Variants in RCSD1 observed in about 807,000 individuals in gnomAD.
RCSD1 encodes the protein RCSD domain containing 1, also known as capZ-interacting protein.
Under a neutral mutation model 42.5 loss-of-function variants are expected in RCSD1, and 26 were observed. That is an observed-to-expected ratio of 0.61 (90% CI 0.45 to 0.85). The LOEUF is 0.85. Ranked by LOEUF, RCSD1 falls within the 40% of genes least tolerant of loss-of-function variation. The pLI is 0.00. For synonymous variants in RCSD1, 220 were observed against 212.2 expected, an observed-to-expected ratio of 1.04 and a Z score of -0.32; for missense variants, 571 against 528.3, an observed-to-expected ratio of 1.08 and a Z score of -0.79.
intron 1 of RCSD1, among the ~76,000 whole-genome samples, chr1:167,649,248 G>T (rs969579939): frequency 1.3e-5 from 2 of 152,176 alleles, no homozygotes; most frequent in Non-Finnish European, 2.9e-5. Flanking sequence ...AGGACAGTGT[G>T]CAGGATCCAA....
chr1:167,671,532 C>T (rs1309809708), intron 1 of RCSD1, among the ~76,000 whole-genome samples: 1 of 152,218 alleles, frequency 6.6e-6, no homozygotes, highest in African/African-American at 2.4e-5. Flanking sequence ...CTTGGCAGAT[C>T]CAGACCCCAC....
In RCSD1 at chr1:167,706,475, CACTTT is replaced by C. The variant is rs1659760321; in HGVS notation, c.*1784_*1788del. Among the ~76,000 whole-genome samples the C allele has an allele frequency of 6.8e-6, 1 of 146,028 alleles. No individual in the cohort carries two copies. The highest frequency in any genetic ancestry group is 1.5e-5 in the Non-Finnish European group (1 of 68,028). On this transcript the variant is annotated 3_prime_UTR_variant, in exon 7 of 7. Coordinates refer to ENST00000367854, the MANE Select transcript of RCSD1 (RefSeq NM_052862.4). ...ATTGTGAATGTGTGATGAAAAGGGCCACTTTACTTGAGGAAGGCATGGAACAGAAA... is the reference window on the plus strand; with the variant it reads ...ATTGTGAATGTGTGATGAAAAGGGCCACTTGAGGAAGGCATGGAACAGAAA...
At chr1:167,644,822 C>T (rs1295508195) in intron 1 of RCSD1, among the ~76,000 whole-genome samples, 1 of 152,208 alleles carries the variant, frequency 6.6e-6, no homozygotes, top group Non-Finnish European at 1.5e-5. Context: ...AGCATTCAGA[C>T]CAGAGCCCCT....
At chr1:167,650,241 GA>G (rs1369845723) in intron 1 of RCSD1, among the ~76,000 whole-genome samples, 1 of 152,214 alleles carries the variant, frequency 6.6e-6, no homozygotes. Context: ...AAAACACGGG[GA>G]AATGTCTGCA....
chr1:167,674,038 C>T (rs1476029027), intron 1 of RCSD1, among the ~76,000 whole-genome samples: 1 of 152,228 alleles, frequency 6.6e-6, no homozygotes, highest in African/African-American at 2.4e-5. Flanking sequence ...GTCTGCCTTT[C>T]AACTAGAGTA....
Position 167,706,691 on chromosome 1 carries a change from G to C in RCSD1, c.*1995G>C, listed in dbSNP as rs1175978229. Among the ~76,000 whole-genome samples, 2 of 152,096 alleles carry C rather than the reference G, an allele frequency of 1.3e-5. No homozygotes were observed. The highest frequency in any genetic ancestry group is 3.9e-4 in the East Asian group (2 of 5,186). ...AGTCACATTATTTGGTGTATTTTGT[G>C]AAAAAAATAGAGGCCCCATTCCCAG... On this transcript the variant is annotated 3_prime_UTR_variant, in exon 7 of 7. Transcript: ENST00000367854.
intron 1 of RCSD1, among the ~76,000 whole-genome samples, chr1:167,636,612 G>C (rs553848150): frequency 1.3e-5 from 2 of 151,610 alleles, no homozygotes; most frequent in South Asian, 4.2e-4. Context: ...GTTTTTAGAC[G>C]GAGTTTTGCT....
At chr1:167,662,708 T>C (rs989409588) in intron 1 of RCSD1, among the ~76,000 whole-genome samples, 11 of 152,220 alleles carry the variant, frequency 7.2e-5, no homozygotes, top group Admixed American at 6.5e-4. Context: ...GGAGTTCCAC[T>C]CCTAAAATCT....
chr1:167,668,594 A>G (rs1019604277), intron 1 of RCSD1, among the ~76,000 whole-genome samples: 1 of 152,204 alleles, frequency 6.6e-6, no homozygotes, highest in Non-Finnish European at 1.5e-5. Context: ...AATAATGGCT[A>G]TGGAATATAT....
At chr1:167,658,344 T>C (rs1658467633) in intron 1 of RCSD1, among the ~76,000 whole-genome samples, 1 of 152,230 alleles carries the variant, frequency 6.6e-6, no homozygotes, top group Non-Finnish European at 1.5e-5. Flanking sequence ...TTTATAAAAC[T>C]AGTGTTATAT....
At chr1:167,676,382 T>A (rs1429697536) in intron 1 of RCSD1, among the ~76,000 whole-genome samples, 1 of 152,152 alleles carries the variant, frequency 6.6e-6, no homozygotes, top group Non-Finnish European at 1.5e-5. Flanking sequence ...GCATATTGGG[T>A]TGAACCAAAG....
intron 6 of RCSD1, among the ~76,000 whole-genome samples, chr1:167,699,883 G>A (rs1345843766): frequency 1.3e-5 from 2 of 152,202 alleles, no homozygotes; most frequent in East Asian, 3.8e-4. Flanking sequence ...GCTCAGCTCA[G>A]ATGGTCCCTT....
chr1:167,638,997 C>G (rs1418428565), intron 1 of RCSD1, among the ~76,000 whole-genome samples: 1 of 152,176 alleles, frequency 6.6e-6, no homozygotes, highest in East Asian at 1.9e-4. Flanking sequence ...GAGGGCGGAT[C>G]ACGAGGTCAG....
chr1:167,690,189 A>C, intron 4 of RCSD1, 69 bp downstream of exon 4: 1 of 1,471,756 alleles, frequency 6.8e-7, no homozygotes, highest in Non-Finnish European at 9.5e-7. Context: ...AATTTGCATG[A>C]CTTTGAGGCT....
intron 1 of RCSD1, among the ~76,000 whole-genome samples, chr1:167,649,020 G>T (rs2102204911): frequency 6.6e-6 from 1 of 152,324 alleles, no homozygotes; most frequent in South Asian, 2.1e-4. Flanking sequence ...ATGATAACAA[G>T]TGATTGAAAC....
At chr1:167,634,826 C>G (rs1227156920) in intron 1 of RCSD1, among the ~76,000 whole-genome samples, 1 of 151,924 alleles carries the variant, frequency 6.6e-6, no homozygotes, top group Non-Finnish European at 1.5e-5. Flanking sequence ...TGGACCTACT[C>G]AGTATTTATT....
chr1:167,677,257 A>G (rs1658975018), intron 1 of RCSD1, among the ~76,000 whole-genome samples: 1 of 152,170 alleles, frequency 6.6e-6, no homozygotes, highest in South Asian at 2.1e-4. Context: ...CAGTGTCTAC[A>G]GATGCTCAGG....
intron 1 of RCSD1, among the ~76,000 whole-genome samples, chr1:167,650,826 G>C (rs1397127109): frequency 6.6e-6 from 1 of 152,200 alleles, no homozygotes; most frequent in Non-Finnish European, 1.5e-5. Flanking sequence ...ATAAGGAGGG[G>C]GGCAGCCCCA....
chr1:167,665,033 G>A (rs1289175372), intron 1 of RCSD1: 1 of 142,406 alleles, frequency 7.0e-6, no homozygotes, highest in East Asian at 2.0e-4. Context: ...GTGAGACTCT[G>A]TGTCACCAAA....
Sources: gnomAD v4.1 joint callset for allele counts (sites outside exome capture counted in the v4.1 genomes callset) on GRCh38, gnomAD v4.1.1 for gene constraint, MANE v1.5 for transcripts, NCBI Gene and HGNC (gene_info 2026-07-23, HGNC 2026-07-21) for gene names.